GABBR2: variants seen among roughly 807,000 people sequenced by gnomAD.
GABBR2 encodes the protein gamma-aminobutyric acid type B receptor subunit 2, also known as G-protein coupled receptor 51.
In GABBR2, 23 loss-of-function variants were observed where a neutral mutation model predicts 105.6. The ratio of observed to expected loss-of-function variants is 0.22; its 90% CI spans 0.16 to 0.31. The LOEUF (loss-of-function observed/expected upper bound fraction) is 0.31, where lower values mean the gene tolerates loss of function less well. Ranked by LOEUF, GABBR2 falls within the 10% of genes least tolerant of loss-of-function variation. The pLI is 1.00. For synonymous variants in GABBR2, 478 were observed against 499.7 expected, an observed-to-expected ratio of 0.96 and a Z score of 0.58; for missense variants, 734 against 1,245.5, an observed-to-expected ratio of 0.59 and a Z score of 6.18.
At chr9:98,482,760 C>T (rs1261528044) in intron 4 of GABBR2, among the ~76,000 whole-genome samples, 3 of 152,098 alleles carry the variant, frequency 2.0e-5, no homozygotes, top group Non-Finnish European at 4.4e-5. Context: ...AGGGATAATC[C>T]TATCTACCTT....
In GABBR2 at chr9:98,636,605, C is replaced by T. The variant is rs369661057; in HGVS notation, c.322-58533G>A. On this transcript the variant is annotated intron_variant, in intron 1 of 18. Transcript: ENST00000259455. ...ACCTCCTGGGTTCAAGCAATTCTCC[C>T]GCCTCAGCCTCCCAAGTAGCTGGGA... Among the ~76,000 whole-genome samples, 51 of 150,402 alleles carry T rather than the reference C, an allele frequency of 3.4e-4. 2 individuals carry two copies. In the South Asian group the frequency reaches 8.4e-3, roughly 25 times the overall value.
intron 1 of GABBR2, among the ~76,000 whole-genome samples, chr9:98,615,142 C>G (rs1370507873): frequency 6.6e-6 from 1 of 152,202 alleles, no homozygotes; most frequent in Non-Finnish European, 1.5e-5. Flanking sequence ...ACTTTATAGG[C>G]TCCTGAGGCA....
intron 13 of GABBR2, among the ~76,000 whole-genome samples, chr9:98,360,984 A>G (rs1457724665): frequency 1.3e-5 from 2 of 151,252 alleles, no homozygotes; most frequent in East Asian, 3.9e-4. Context: ...CCTTCCACAA[A>G]CTCTGCCTGA....
At chr9:98,470,006 G>T (rs544967561) in intron 6 of GABBR2, among the ~76,000 whole-genome samples, 1 of 152,304 alleles carries the variant, frequency 6.6e-6, no homozygotes, top group Non-Finnish European at 1.5e-5. Flanking sequence ...ACTTCTGAAG[G>T]CTGTTCGGAG....
chr9:98,403,892 G>A (rs985588406), intron 8 of GABBR2, among the ~76,000 whole-genome samples: 3 of 151,926 alleles, frequency 2.0e-5, no homozygotes, highest in Non-Finnish European at 4.4e-5. Flanking sequence ...GGACAATCAA[G>A]GCTCAGAGAG....
chr9:98,577,001 T>TGGATGGATGGATGGACAGAC (rs1435357689), intron 2 of GABBR2, among the ~76,000 whole-genome samples: 1 of 146,142 alleles, frequency 6.8e-6, no homozygotes, highest in East Asian at 2.0e-4. Context: ...TATGGGTGGA[T>TGGATGGATGGATGGACAGAC]GGATGGATGG....
rs903692069 is a variant in GABBR2 at position 98,366,220 on chromosome 9, C to T, written c.1771-3383G>A. Among the ~76,000 whole-genome samples the T allele has an allele frequency of 5.3e-5, 8 of 152,126 alleles. No individual in the cohort carries two copies. The South Asian group carries it at 6.2e-4, about 12-fold the overall frequency. Reference sequence around the variant, plus strand: ...TACAATAACTGTTCAACAGATCCAGCGATTTTTACTAAATGTGACTTCTGG... The same window carrying T: ...TACAATAACTGTTCAACAGATCCAGTGATTTTTACTAAATGTGACTTCTGG... On this transcript the variant is annotated intron_variant, in intron 12 of 18. Coordinates refer to ENST00000259455, the MANE Select transcript of GABBR2 (RefSeq NM_005458.8).
At chr9:98,390,103 G>C (rs1055891248) in intron 9 of GABBR2, among the ~76,000 whole-genome samples, 1 of 152,172 alleles carries the variant, frequency 6.6e-6, no homozygotes, top group Non-Finnish European at 1.5e-5. Context: ...GGCTGAGCGT[G>C]GTGGCTCATG....
intron 6 of GABBR2, among the ~76,000 whole-genome samples, chr9:98,455,255 A>T (rs944388906): frequency 1.2e-4 from 19 of 152,046 alleles, no homozygotes; most frequent in African/African-American, 4.6e-4. Context: ...CTGCCTTTTT[A>T]CTCCAGACCT....
chr9:98,327,623 C>T (rs1251284725), intron 13 of GABBR2, among the ~76,000 whole-genome samples: 1 of 151,990 alleles, frequency 6.6e-6, no homozygotes, highest in African/African-American at 2.4e-5. Flanking sequence ...AATCCCAGCA[C>T]TTTGGGAGGC....
chr9:98,313,928 G>T (rs1458787203), intron 13 of GABBR2, among the ~76,000 whole-genome samples: 1 of 152,160 alleles, frequency 6.6e-6, no homozygotes, highest in African/African-American at 2.4e-5. Context: ...AAAGCAGGAG[G>T]AGCTAGGAGG....
At chr9:98,357,733 G>C (rs1256552876) in intron 13 of GABBR2, among the ~76,000 whole-genome samples, 1 of 151,970 alleles carries the variant, frequency 6.6e-6, no homozygotes, top group African/African-American at 2.4e-5. Flanking sequence ...TAATGTATAT[G>C]TACAATTTGA....
chr9:98,517,303 C>T (rs1203802472), intron 3 of GABBR2, among the ~76,000 whole-genome samples: 1 of 152,138 alleles, frequency 6.6e-6, no homozygotes, highest in African/African-American at 2.4e-5. Flanking sequence ...CTTCCTTCAC[C>T]CAGTCCCACC....
At chr9:98,634,530 C>T (rs771190171) in intron 1 of GABBR2, among the ~76,000 whole-genome samples, 1 of 152,094 alleles carries the variant, frequency 6.6e-6, no homozygotes, top group Non-Finnish European at 1.5e-5. Flanking sequence ...CAGAGATGGG[C>T]GTGATGGTGC....
intron 4 of GABBR2, among the ~76,000 whole-genome samples, chr9:98,487,622 A>G (rs1276054500): frequency 6.6e-6 from 1 of 151,536 alleles, no homozygotes; most frequent in Admixed American, 6.6e-5. Flanking sequence ...AAATATATAT[A>G]TATATATAGG....
intron 3 of GABBR2, among the ~76,000 whole-genome samples, chr9:98,531,194 C>T (rs1474579099): frequency 6.6e-6 from 1 of 152,202 alleles, no homozygotes; most frequent in Non-Finnish European, 1.5e-5. Context: ...TCACCCAGCC[C>T]TTCAGGAGCC....
intron 13 of GABBR2, among the ~76,000 whole-genome samples, chr9:98,320,171 A>G (rs1830794266): frequency 6.6e-6 from 1 of 152,012 alleles, no homozygotes; most frequent in African/African-American, 2.4e-5. Context: ...GGCGAAGGAC[A>G]TGAACAGACA....
intron 7 of GABBR2, among the ~76,000 whole-genome samples, chr9:98,427,886 G>C (rs768087270): frequency 3.9e-5 from 6 of 152,170 alleles, no homozygotes; most frequent in Non-Finnish European, 8.8e-5. Context: ...ATTTGTGGGA[G>C]ACATCTTGAA....
At chr9:98,461,650 G>C (rs1826425693) in intron 6 of GABBR2, among the ~76,000 whole-genome samples, 1 of 152,176 alleles carries the variant, frequency 6.6e-6, no homozygotes, top group Non-Finnish European at 1.5e-5. Context: ...ACGAGCATGG[G>C]TGGGTGTATT....
Sources: allele counts gnomAD v4.1 joint callset (sites outside exome capture counted in the v4.1 genomes callset), GRCh38; gene constraint gnomAD v4.1.1; transcripts MANE v1.5; gene names NCBI Gene and HGNC (gene_info 2026-07-23, HGNC 2026-07-21).